Variants in CCNB3 observed in about 807,000 individuals in gnomAD.
The protein encoded by CCNB3 is cyclin B3.
Under a neutral mutation model 68.0 loss-of-function variants are expected in CCNB3, and 12 were observed. That is an observed-to-expected ratio of 0.18 (90% CI 0.11 to 0.29). The LOEUF (loss-of-function observed/expected upper bound fraction) is 0.29. Ranked by LOEUF, CCNB3 falls within the 10% of genes least tolerant of loss-of-function variation. The pLI, the probability that CCNB3 is intolerant of heterozygous loss-of-function variation, is 1.00. For missense variants in CCNB3, 904 were observed against 993.1 expected (o/e 0.91, Z 1.21); for synonymous variants, 354 against 388.9 (o/e 0.91, Z 1.06).
At chrX:50,285,345 T>G in intron 3 of CCNB3, 86 bp downstream of exon 3, 1 of 728,597 alleles carries the variant, frequency 1.4e-6, no homozygotes, top group Non-Finnish European at 2.1e-6. Context: ...GTGAGTCTTT[T>G]GAAATATGTC....
At chrX:50,279,345 A>T (rs1216026261) in intron 1 of CCNB3, among the ~76,000 whole-genome samples, 4 of 75,940 alleles carry the variant, frequency 5.3e-5, no homozygotes, top group Non-Finnish European at 9.1e-5. Context: ...GAATATATAT[A>T]TGAATATAGG....
In CCNB3 at chrX:50,309,402, G is replaced by T; in HGVS notation, c.1233G>T (p.Lys411Asn). 8.3e-7 allele frequency: 1 copy of T among 1,211,674 alleles called. No individual in the cohort carries two copies. The highest frequency in any genetic ancestry group is 3.0e-5 in the East Asian group (1 of 33,831). Residue 411 changes from lysine to asparagine, a missense_variant, in exon 6 of 13, where the codon AAG becomes AAT. By Grantham distance (94) the Lys-to-Asn change is moderately conservative. This residue lies in a region of CCNB3 where 619 missense variants were observed against 609.8 expected (regional missense o/e 1.02). Transcript: ENST00000376042. ...LVLQEITSGEKSLIMKPLSIK... is the reference protein window; with the variant it reads ...LVLQEITSGENSLIMKPLSIK... The stretch of plus-strand genomic sequence containing the variant: ...TGCAGGAGATCACCTCTGGAGAGAA[G>T]TCGCTCATTATGAAGCCATTGTCCA...
chrX:50,316,431 A>G (rs1216234888), intron 8 of CCNB3, among the ~76,000 whole-genome samples: 4 of 112,532 alleles, frequency 3.6e-5, no homozygotes, highest in African/African-American at 1.3e-4. Flanking sequence ...TAAAATTACT[A>G]TGAATATTTG....
intron 1 of CCNB3, among the ~76,000 whole-genome samples, chrX:50,226,718 C>A (rs1420491339): frequency 1.5e-5 from 1 of 66,362 alleles, no homozygotes; most frequent in South Asian, 6.6e-4. Flanking sequence ...AATATGTACA[C>A]AGAATATACA....
At chrX:50,296,205 T>G (rs1381128045) in intron 5 of CCNB3, among the ~76,000 whole-genome samples, 1 of 106,217 alleles carries the variant, frequency 9.4e-6, no homozygotes, top group African/African-American at 3.4e-5. Flanking sequence ...TATGTACACA[T>G]GTGCCATGTT....
chrX:50,308,544 C>T lies in CCNB3; in HGVS notation c.375C>T (p.Thr125=), dbSNP rs376838359. ...TCACACCAGTAGTAGCCTCTACTACCGTGGTACCAAACATTATGGAGAAAC... is the reference window on the plus strand; with the variant it reads ...TCACACCAGTAGTAGCCTCTACTACTGTGGTACCAAACATTATGGAGAAAC... ...LEVTPVVAST[T]VVPNIMEKPL... is the part of the protein sequence containing the mutation. Residue 125 remains threonine, a synonymous_variant, in exon 6 of 13, where the codon ACC becomes ACT. Transcript: ENST00000376042. The T allele has an allele frequency of 2.7e-5, 33 of 1,204,843 alleles. No individual in the cohort carries two copies. The highest frequency in any genetic ancestry group is 2.1e-4 in the East Asian group (7 of 33,604).
intron 1 of CCNB3, among the ~76,000 whole-genome samples, chrX:50,211,922 A>G (rs1434845756): frequency 2.7e-5 from 3 of 112,111 alleles, no homozygotes; most frequent in East Asian, 2.8e-4. Flanking sequence ...GAAGATGTGT[A>G]TGGGTTCAAG....
chrX:50,228,331 G>A (rs1935963500), intron 1 of CCNB3, among the ~76,000 whole-genome samples: 1 of 91,321 alleles, frequency 1.1e-5, no homozygotes, highest in Non-Finnish European at 2.1e-5. Context: ...CATATATAGA[G>A]AATATATATA....
chrX:50,326,093 A>T (rs983742482), intron 8 of CCNB3, among the ~76,000 whole-genome samples: 1 of 111,699 alleles, frequency 9.0e-6, no homozygotes, highest in Non-Finnish European at 1.9e-5. Flanking sequence ...ATAAGTATAG[A>T]TCTATGACAT....
At chrX:50,315,530 G>A (rs1557215652) in intron 8 of CCNB3, among the ~76,000 whole-genome samples, 1 of 111,707 alleles carries the variant, frequency 9.0e-6, no homozygotes, top group African/African-American at 3.3e-5. Context: ...CACAACTATA[G>A]TATAGTGTCA....
intron 1 of CCNB3, among the ~76,000 whole-genome samples, chrX:50,219,895 A>G (rs1033466108): frequency 6.3e-5 from 7 of 111,619 alleles, no homozygotes; most frequent in African/African-American, 1.9e-4. Flanking sequence ...GATTCTTCCT[A>G]TCCATGAGCA....
intron 1 of CCNB3, among the ~76,000 whole-genome samples, chrX:50,225,345 G>A (rs1935736215): frequency 9.0e-6 from 1 of 111,507 alleles, no homozygotes; most frequent in African/African-American, 3.2e-5. Context: ...TATTATGGTT[G>A]GAGAGCAGGG....
Position 50,310,329 on chromosome X carries a change from A to G in CCNB3, c.2160A>G (p.Glu720=). 1.7e-6 allele frequency: 2 copies of G among 1,212,041 alleles called. No homozygotes were observed. Among genetic ancestry groups the G allele is most frequent in the South Asian group, 1.8e-5 (1 of 57,013 alleles). ...CTTTGCAGGAGAAAAGCACCATGGA[A>G]GAAGAGTCCCTTATCAATAAGCTAT... is the stretch of plus-strand genomic sequence containing the variant. ...LLALQEKSTM[E]EESLINKLLA... The change falls in exon 6 of 13, where the codon GAA becomes GAG. Residue 720 remains glutamate (E), a synonymous_variant. Transcript: ENST00000376042.
rs977882149 is a variant in CCNB3, at chrX:50,281,092, C to G, written c.-112-3450C>G. 3.9e-3 allele frequency among the ~76,000 whole-genome samples: 434 copies of G among 110,895 alleles called. 3 individuals carry two copies. The highest frequency in any genetic ancestry group is 0.013 in the African/African-American group (409 of 30,520). ...CTCGTCTTTAAAGAGACCCGATACT[C>G]CCTGCGTGTCAGCCCAGCCTGGTCC... On this transcript the variant is annotated intron_variant, in intron 1 of 12. Coordinates refer to ENST00000376042, the MANE Select transcript of CCNB3 (RefSeq NM_033031.3).
intron 3 of CCNB3, among the ~76,000 whole-genome samples, chrX:50,285,657 G>T (rs1365616377): frequency 2.7e-5 from 3 of 111,538 alleles, no homozygotes; most frequent in Non-Finnish European, 5.6e-5. Flanking sequence ...TAAATTTGAA[G>T]AATGGGTATA....
chrX:50,305,960 G>A (rs782569073), intron 5 of CCNB3, among the ~76,000 whole-genome samples: 26 of 81,000 alleles, frequency 3.2e-4, no homozygotes, highest in African/African-American at 9.1e-4. Context: ...TTTTTTTTTC[G>A]TATTTTTGTA....
intron 8 of CCNB3, among the ~76,000 whole-genome samples, chrX:50,335,718 G>T (rs1389997701): frequency 9.0e-6 from 1 of 111,144 alleles, no homozygotes; most frequent in Non-Finnish European, 1.9e-5. Flanking sequence ...GGCCTGGCTC[G>T]GTCAGAAAAA....
chrX:50,314,456 T>C (rs1256729410), intron 8 of CCNB3, among the ~76,000 whole-genome samples: 1 of 111,718 alleles, frequency 9.0e-6, no homozygotes, highest in African/African-American at 3.2e-5. Flanking sequence ...GTACATAGCA[T>C]ATAGTAGGGG....
chrX:50,225,290 A>G (rs1935734610), intron 1 of CCNB3, among the ~76,000 whole-genome samples: 1 of 111,155 alleles, frequency 9.0e-6, no homozygotes, highest in African/African-American at 3.3e-5. Flanking sequence ...GTACAAAAAT[A>G]CCAGGTACAG....
Sources: allele counts gnomAD v4.1 joint callset (sites outside exome capture counted in the v4.1 genomes callset), GRCh38; gene constraint gnomAD v4.1.1; regional missense constraint gnomAD v4.1.1; transcripts MANE v1.5; gene names NCBI Gene and HGNC (gene_info 2026-07-23, HGNC 2026-07-21).